MCRS1: variants seen among roughly 807,000 people sequenced by gnomAD.
MCRS1 encodes the protein microspherule protein 1.
A neutral mutation model predicts 62.9 loss-of-function variants in MCRS1; 22 were observed. The ratio of observed to expected loss-of-function variants is 0.35; its 90% CI spans 0.25 to 0.50. MCRS1 has a LOEUF of 0.50. Ranked by LOEUF, MCRS1 falls within the 20% of genes least tolerant of loss-of-function variation. The pLI is 0.98. For missense variants in MCRS1, 456 were observed against 601.1 expected (o/e 0.76, Z 2.52); for synonymous variants, 244 against 233.5 (o/e 1.04, Z -0.41).
At chr12:49,564,452 C>A in intron 6 of MCRS1, 29 bp downstream of exon 6, 2 of 1,581,496 alleles carry the variant, frequency 1.3e-6, no homozygotes, top group Non-Finnish European at 1.7e-6. Flanking sequence ...CCCAGTACCT[C>A]CCCACTGCTG....
At position 49,564,846 on chromosome 12, in the gene MCRS1, G is replaced by A. The variant is rs778466964; in HGVS notation, c.338C>T (p.Pro113Leu). ...TPVPPSPAPA[P>L]GLTKRVKKSK... Reference sequence around the variant, plus strand: ...CTTCTTCACACGCTTGGTGAGTCCAGGGGCTGGGGCTGGGCTGGGTGGCAC... The same window carrying A: ...CTTCTTCACACGCTTGGTGAGTCCAAGGGCTGGGGCTGGGCTGGGTGGCAC... Residue 113 changes from proline (P) to leucine (L), a missense_variant, in exon 5 of 15, where the codon CCT (proline) becomes CTT (leucine). Around this residue, in one of 3 missense-constraint regions of MCRS1, gnomAD observed 393 missense variants for 523.5 expected, o/e 0.75. Coordinates refer to ENST00000343810, the MANE Select transcript of MCRS1 (RefSeq NM_006337.5). 5 of 1,613,562 alleles carry A rather than the reference G, an allele frequency of 3.1e-6. No homozygotes were observed. Among genetic ancestry groups the A allele is most frequent in the South Asian group, 1.1e-5 (1 of 91,030 alleles).
chr12:49,564,131 G>A (rs1592527300), intron 6 of MCRS1, among the ~76,000 whole-genome samples: 1 of 152,296 alleles, frequency 6.6e-6, no homozygotes, highest in Non-Finnish European at 1.5e-5. Flanking sequence ...ACTGTAGGAG[G>A]TCAATGTGGA....
At chr12:49,562,699 T>C (rs1381612935) in intron 8 of MCRS1, among the ~76,000 whole-genome samples, 2 of 152,226 alleles carry the variant, frequency 1.3e-5, no homozygotes, top group Non-Finnish European at 2.9e-5. Flanking sequence ...GTGTTATTTA[T>C]GTGAGAATAA....
At chr12:49,561,459 G>A (rs1938763714) in intron 8 of MCRS1, among the ~76,000 whole-genome samples, 1 of 152,186 alleles carries the variant, frequency 6.6e-6, no homozygotes. Context: ...ATCTTCCGCT[G>A]ACTTGACAGC....
chr12:49,566,596 G>A (rs1592530851), intron 2 of MCRS1, 126 bp downstream of exon 2: 4 of 1,499,766 alleles, frequency 2.7e-6, no homozygotes, highest in South Asian at 2.4e-5. Context: ...GTACATGGGT[G>A]GTGCTGGCCC....
chr12:49,563,090 G>A lies in MCRS1; in HGVS notation c.716C>T (p.Pro239Leu), dbSNP rs1262864665. Residue 239 changes from proline to leucine, a missense_variant, in exon 8 of 15, where the codon CCT becomes CTT. Physicochemically the swap from Pro to Leu is moderately conservative, Grantham distance 98. Coordinates refer to ENST00000343810, the MANE Select transcript of MCRS1 (RefSeq NM_006337.5). Reference sequence around the variant, plus strand: ...GGTACGGGCCAGGTAGAAGGCATCAGGGTGTCTGTGCAGCAGGTCCTGGAA... The same window carrying A: ...GGTACGGGCCAGGTAGAAGGCATCAAGGTGTCTGTGCAGCAGGTCCTGGAA... ...ETFQDLLHRH[P>L]DAFYLARTAK... The A allele has an allele frequency of 6.4e-7, 1 of 1,568,116 alleles. No individual in the cohort carries two copies. The highest frequency in any genetic ancestry group is 1.9e-5 in the Admixed American group (1 of 53,656).
chr12:49,566,507 T>C, intron 2 of MCRS1: 1 of 1,528,350 alleles, frequency 6.5e-7, no homozygotes, highest in Non-Finnish European at 8.9e-7. Context: ...GCATAACTGC[T>C]CCCTCTGCCA....
At chr12:49,564,390 C>A in intron 6 of MCRS1, 91 bp downstream of exon 6, 1 of 1,122,010 alleles carries the variant, frequency 8.9e-7, no homozygotes, top group Non-Finnish European at 1.3e-6. Flanking sequence ...TCCCAGACCC[C>A]TCCTGGGGCC....
chr12:49,560,180 G>T (rs1276858646), intron 9 of MCRS1, 115 bp downstream of exon 9: 6 of 1,256,386 alleles, frequency 4.8e-6, no homozygotes, highest in Non-Finnish European at 3.5e-6. Context: ...GGCTCAGCCA[G>T]GGGGGGCCAA....
At position 49,559,983 on chromosome 12, in the gene MCRS1, AGAAG is replaced by A. The variant is rs778964866; in HGVS notation, c.882-20_882-17del. ...TCGCATGTCCCTGAGGGGCAAGAAG[AGAAG>A]GAAGATTTAGGTCCACCTTCAGCTT... On this transcript the variant is annotated splice_polypyrimidine_tract_variant and intron_variant, in intron 9 of 14. Transcript: ENST00000343810. The surrounding 1 kb of genome is among the most constrained non-coding windows in gnomAD (Gnocchi z 5.2). 1 of 1,614,124 alleles carries A rather than the reference AGAAG, an allele frequency of 6.2e-7. No individual in the cohort carries two copies. Among genetic ancestry groups the A allele is most frequent in the South Asian group, 1.1e-5 (1 of 91,066 alleles).
At chr12:49,565,930 A>T in intron 3 of MCRS1, 147 bp downstream of exon 3, 1 of 1,242,936 alleles carries the variant, frequency 8.0e-7, no homozygotes. Flanking sequence ...AGGATTTAGC[A>T]GGGACAGGAA....
In MCRS1 at chr12:49,559,654, C is replaced by G; in HGVS notation, c.1003+75G>C. ...GCCTGGGAAACGAGGGTCTCCCCAG[C>G]CAGGCAGCAACAGGGGCACAGGCTG... is the stretch of plus-strand genomic sequence containing the variant. On this transcript the variant is annotated intron_variant, in intron 11 of 14. Coordinates refer to ENST00000343810, the MANE Select transcript of MCRS1 (RefSeq NM_006337.5). This position sits in a 1 kb window ranked among gnomAD's most constrained non-coding sequence, Gnocchi z 5.2. The G allele has an allele frequency of 6.3e-7, 1 of 1,596,152 alleles. No homozygotes were observed. Among genetic ancestry groups the G allele is most frequent in the Non-Finnish European group, 8.6e-7 (1 of 1,165,930 alleles).
In MCRS1 at chr12:49,559,044, C is replaced by G; in HGVS notation, c.1175-74G>C. 2 of 1,588,332 alleles carry G rather than the reference C, an allele frequency of 1.3e-6. No homozygotes were observed. Among genetic ancestry groups the G allele is most frequent in the Admixed American group, 1.7e-5 (1 of 59,778 alleles). ...TGGGATGGGGAAAGGCCAGAGAGAG[C>G]CAGGAGCTTCCATGGACCAGCTCTG... On this transcript the variant is annotated intron_variant, in intron 13 of 14. Transcript: ENST00000343810. The surrounding 1 kb of genome is among the most constrained non-coding windows in gnomAD (Gnocchi z 5.2).
intron 4 of MCRS1, 133 bp from the exon 5 acceptor site, chr12:49,565,028 C>T (rs1938981184): frequency 7.1e-7 from 1 of 1,409,784 alleles, no homozygotes; most frequent in Non-Finnish European, 9.3e-7. Context: ...CAGCCCACAA[C>T]AGGAAGCACA....
In MCRS1 at chr12:49,559,852, GCT is replaced by G. The variant is rs1938664739; in HGVS notation, c.911-33_911-32del. On this transcript the variant is annotated intron_variant, in intron 10 of 14. Transcript: ENST00000343810. The surrounding 1 kb of genome is among the most constrained non-coding windows in gnomAD (Gnocchi z 5.2). ...GTGAGGTGGGGTGGTAAGGAGGGAT[GCT>G]CTGAGGCCACCAGCACCTTGTACTG... 5.0e-6 allele frequency: 8 copies of G among 1,614,080 alleles called. No individual in the cohort carries two copies. The highest frequency in any genetic ancestry group is 6.8e-6 in the Non-Finnish European group (8 of 1,179,910).
Position 49,566,219 on chromosome 12 carries a change from G to C in MCRS1, c.11-4C>G. 1 of 1,611,344 alleles carries C rather than the reference G, an allele frequency of 6.2e-7. No homozygotes were observed. The highest frequency in any genetic ancestry group is 8.5e-7 in the Non-Finnish European group (1 of 1,178,608). ...GAATCTAGCAGCCCCTGAGAATCTA[G>C]CAAGAGAGAAATGGTGGATTCGGGC... is the stretch of plus-strand genomic sequence containing the variant. On this transcript the variant is annotated splice_region_variant and splice_polypyrimidine_tract_variant and intron_variant, in intron 2 of 14. Coordinates refer to ENST00000343810, the MANE Select transcript of MCRS1 (RefSeq NM_006337.5).
In MCRS1 at chr12:49,559,474, C is replaced by T. The variant is rs1938637861; in HGVS notation, c.1065G>A (p.Arg355=). 1 of 1,613,462 alleles carries T rather than the reference C, an allele frequency of 6.2e-7. No homozygotes were observed. The highest frequency in any genetic ancestry group is 1.3e-5 in the African/African-American group (1 of 74,946). Residue 355 remains arginine (R), a synonymous_variant, in exon 12 of 15, where the codon CGG becomes CGA. Transcript: ENST00000343810. This position sits in a 1 kb window ranked among gnomAD's most constrained non-coding sequence, Gnocchi z 5.2. ...TCACCTCACGCGAGCGCATCAGGTACCGCACCATGCGGCCCCGCAGCACTG... is the reference window on the plus strand; with the variant it reads ...TCACCTCACGCGAGCGCATCAGGTATCGCACCATGCGGCCCCGCAGCACTG... ...TLAVLRGRMV[R]YLMRSREITL...
chr12:49,564,096 G>A (rs989511332), intron 6 of MCRS1, among the ~76,000 whole-genome samples: 4 of 152,128 alleles, frequency 2.6e-5, no homozygotes, highest in Non-Finnish European at 4.4e-5. Flanking sequence ...TCTTCTATTC[G>A]ACTCCCCCTT....
chr12:49,565,729 C>A lies in MCRS1; in HGVS notation c.150-62G>T, dbSNP rs762500169. ...CACCCTGGTACCCATTCACACACCCCCAGCCCCCAAAAGAGAGCAGGTGCC... is the reference window on the plus strand; with the variant it reads ...CACCCTGGTACCCATTCACACACCCACAGCCCCCAAAAGAGAGCAGGTGCC... On this transcript the variant is annotated intron_variant, in intron 3 of 14. Transcript: ENST00000343810. 2.5e-6 allele frequency: 4 copies of A among 1,611,574 alleles called. No homozygotes were observed. In the South Asian group the frequency reaches 4.4e-5, roughly 18 times the overall value.
Sources: gnomAD v4.1 joint callset for allele counts (sites outside exome capture counted in the v4.1 genomes callset) on GRCh38, gnomAD v4.1.1 for gene constraint, gnomAD v4.1.1 regional missense constraint, Gnocchi (gnomAD v3.1) non-coding constraint, MANE v1.5 for transcripts, NCBI Gene and HGNC (gene_info 2026-07-23, HGNC 2026-07-21) for gene names.